The following MAMLD1 variants were observed in gnomAD, a reference collection of about 807,000 sequenced individuals.
The protein encoded by MAMLD1 is mastermind-like domain-containing protein 1.
In MAMLD1, 14 loss-of-function variants were observed where a neutral mutation model predicts 45.0. That is an observed-to-expected ratio of 0.31 (90% CI 0.21 to 0.49). The LOEUF is 0.49. Among genes scored for constraint, MAMLD1 ranks in the 20% least tolerant of loss-of-function variants. MAMLD1 has a pLI of 0.99. For synonymous variants in MAMLD1, 254 were observed against 247.8 expected (o/e 1.02, Z -0.24); for missense variants, 543 against 603.6 (o/e 0.90, Z 1.05).
At chrX:150,396,223 T>C (rs1019210157) in intron 1 of MAMLD1, among the ~76,000 whole-genome samples, 15 of 92,741 alleles carry the variant, frequency 1.6e-4, no homozygotes, top group Middle Eastern at 5.6e-3. Flanking sequence ...CTTGAACTCC[T>C]GACCTCAAGT....
At chrX:150,493,009 T>A (rs1557408032) in intron 5 of MAMLD1, among the ~76,000 whole-genome samples, 1 of 111,003 alleles carries the variant, frequency 9.0e-6, no homozygotes, top group Non-Finnish European at 1.9e-5. Flanking sequence ...CTCCCATAAA[T>A]GTAGGGAAGG....
chrX:150,483,542 G>T (rs1226180339), intron 5 of MAMLD1, among the ~76,000 whole-genome samples: 1 of 112,634 alleles, frequency 8.9e-6, no homozygotes, highest in East Asian at 2.8e-4. Context: ...AGGCTTGGAG[G>T]CCGATGAACC....
intron 1 of MAMLD1, among the ~76,000 whole-genome samples, chrX:150,402,596 C>G (rs1276082275): frequency 8.9e-6 from 1 of 111,996 alleles, no homozygotes; most frequent in Non-Finnish European, 1.9e-5. Flanking sequence ...GACTATAAAT[C>G]ATGCTGCTAT....
At chrX:150,373,833 C>G (rs2032166768) in intron 1 of MAMLD1, among the ~76,000 whole-genome samples, 1 of 111,749 alleles carries the variant, frequency 8.9e-6, no homozygotes, top group South Asian at 3.8e-4. Context: ...CAAGAGTTAC[C>G]ATGCCTTGGA....
At chrX:150,383,489 G>T (rs1243474058) in intron 1 of MAMLD1, among the ~76,000 whole-genome samples, 1 of 110,835 alleles carries the variant, frequency 9.0e-6, no homozygotes, top group Non-Finnish European at 1.9e-5. Flanking sequence ...TCTTACAAAA[G>T]CATTTTGTAA....
At position 150,432,744 on chromosome X, in the gene MAMLD1, C is replaced by T. The variant is rs782630317; in HGVS notation, c.-63-12710C>T. On this transcript the variant is annotated intron_variant, in intron 1 of 7. Coordinates refer to ENST00000370401, the MANE Select transcript of MAMLD1 (RefSeq NM_005491.5). ...GGTTGTAAGTGTGCAACATTATTTC[C>T]GGGCTCTCTATTATGTTTCACTGGT... Among the ~76,000 whole-genome samples the T allele has an allele frequency of 3.1e-3, 346 of 111,461 alleles. 2 individuals carry two copies. Among genetic ancestry groups the T allele is most frequent in the African/African-American group, 0.011 (324 of 30,700 alleles).
intron 1 of MAMLD1, among the ~76,000 whole-genome samples, chrX:150,400,075 T>G (rs1557402374): frequency 8.9e-6 from 1 of 111,988 alleles, no homozygotes; most frequent in Non-Finnish European, 1.9e-5. Flanking sequence ...CTAAGAGATC[T>G]ACAAATTCAC....
chrX:150,378,153 A>G (rs782339861), intron 1 of MAMLD1, among the ~76,000 whole-genome samples: 5 of 111,994 alleles, frequency 4.5e-5, no homozygotes, highest in Non-Finnish European at 9.4e-5. Context: ...ATGGTTCCTC[A>G]ATCTGTCTTA....
chrX:150,470,741 A>C lies in MAMLD1; in HGVS notation c.1168A>C (p.Ser390Arg). The C allele has an allele frequency of 7.4e-6, 9 of 1,211,913 alleles. No individual in the cohort carries two copies. Among genetic ancestry groups the C allele is most frequent in the Non-Finnish European group, 1.0e-5 (9 of 895,535 alleles). ...AGGCTCTCCCAATGCCTTACTGTCA[A>C]GCATGACGTCCAGCAGCAATGCTGC... ...LRGSPNALLS[S>R]MTSSSNAALG... Residue 390 changes from serine (S) to arginine (R), a missense_variant, in exon 4 of 8, where the codon AGC becomes CGC. Transcript: ENST00000370401.
At chrX:150,383,303 T>C (rs1557401950) in intron 1 of MAMLD1, among the ~76,000 whole-genome samples, 1 of 111,290 alleles carries the variant, frequency 9.0e-6, no homozygotes, top group African/African-American at 3.3e-5. Flanking sequence ...TAAATGTCAG[T>C]TGCAAGTATA....
At chrX:150,367,140 A>T (rs2031529572) in intron 1 of MAMLD1, among the ~76,000 whole-genome samples, 1 of 109,551 alleles carries the variant, frequency 9.1e-6, no homozygotes, top group Non-Finnish European at 1.9e-5. Flanking sequence ...CATGTTAGGA[A>T]ATCATTAGCA....
intron 1 of MAMLD1, among the ~76,000 whole-genome samples, chrX:150,382,470 G>A (rs1557401746): frequency 1.8e-5 from 2 of 111,288 alleles, no homozygotes; most frequent in African/African-American, 6.5e-5. Context: ...TAGGACTTGT[G>A]CCTTTCCATA....
intron 1 of MAMLD1, among the ~76,000 whole-genome samples, chrX:150,440,618 T>C (rs1429683449): frequency 7.3e-5 from 8 of 109,782 alleles, no homozygotes; most frequent in Non-Finnish European, 1.5e-4. Flanking sequence ...TTTATCTAAG[T>C]TTCCAAATTT....
chrX:150,492,028 C>T lies in MAMLD1; in HGVS notation c.2041-11246C>T, dbSNP rs146061176. ...ATTGCACCTCTGTCACTGTTGAGGA[C>T]AGTGGGGGTAAACATGCCTGATGTT... is the stretch of plus-strand genomic sequence containing the variant. On this transcript the variant is annotated intron_variant, in intron 5 of 7. Transcript: ENST00000370401. 1.4e-3 allele frequency among the ~76,000 whole-genome samples: 155 copies of T among 112,797 alleles called. 1 individual carries two copies. Among genetic ancestry groups the T allele is most frequent in the Admixed American group, 2.1e-3 (23 of 10,786 alleles).
At chrX:150,429,203 G>T (rs984334232) in intron 1 of MAMLD1, among the ~76,000 whole-genome samples, 10 of 110,025 alleles carry the variant, frequency 9.1e-5, no homozygotes, top group Non-Finnish European at 3.8e-5. Context: ...TCTTTACTGG[G>T]ATGTCTCTAG....
chrX:150,469,657 G>A, intron 3 of MAMLD1, 88 bp from the exon 4 acceptor site: 1 of 392,843 alleles, frequency 2.5e-6, no homozygotes, highest in Admixed American at 3.7e-5. Context: ...CTCTCTCTCT[G>A]TGTGTGTGTG....
chrX:150,434,588 C>T (rs2035061003), intron 1 of MAMLD1, among the ~76,000 whole-genome samples: 1 of 111,694 alleles, frequency 9.0e-6, no homozygotes, highest in African/African-American at 3.3e-5. Context: ...TTAGCTGTGT[C>T]CCAGGGATTC....
At chrX:150,482,054 C>A (rs1263663092) in intron 5 of MAMLD1, among the ~76,000 whole-genome samples, 1 of 109,333 alleles carries the variant, frequency 9.1e-6, no homozygotes, top group Non-Finnish European at 1.9e-5. Context: ...GGGGCTCAAC[C>A]AGTTATCTGT....
chrX:150,419,414 T>A (rs781784631), intron 1 of MAMLD1, among the ~76,000 whole-genome samples: 71 of 108,791 alleles, frequency 6.5e-4, no homozygotes, highest in African/African-American at 2.3e-3. Context: ...TGTGTCTTTT[T>A]ATTGGAGCAT....
Sources: gnomAD v4.1 joint callset for allele counts (sites outside exome capture counted in the v4.1 genomes callset) on GRCh38, gnomAD v4.1.1 for gene constraint, MANE v1.5 for transcripts, NCBI Gene and HGNC (gene_info 2026-07-23, HGNC 2026-07-21) for gene names.